PRLR: variants seen among roughly 807,000 people sequenced by gnomAD.
PRLR encodes prolactin receptor.
Under a neutral mutation model 40.2 loss-of-function variants are expected in PRLR, and 13 were observed. The observed-to-expected ratio is 0.32, with a 90% CI of 0.21 to 0.51. The LOEUF (loss-of-function observed/expected upper bound fraction) is 0.51, where lower values mean the gene tolerates loss of function less well. Ranked by LOEUF, PRLR falls within the 20% of genes least tolerant of loss-of-function variation. The pLI, the probability that PRLR is intolerant of heterozygous loss-of-function variation, is 0.97. For synonymous variants in PRLR, 269 were observed against 278.7 expected, an observed-to-expected ratio of 0.97 and a Z score of 0.35; for missense variants, 656 against 747.3, an observed-to-expected ratio of 0.88 and a Z score of 1.42.
At chr5:35,068,442 C>T (rs1579568084) in intron 8 of PRLR, among the ~76,000 whole-genome samples, 157 bp from the exon 9 acceptor site, 1 of 152,166 alleles carries the variant, frequency 6.6e-6, no homozygotes. Flanking sequence ...ATTACAGAGG[C>T]CTATATTAAA....
chr5:35,186,341 T>C (rs903636390), intron 1 of PRLR, among the ~76,000 whole-genome samples: 3 of 152,234 alleles, frequency 2.0e-5, no homozygotes, highest in African/African-American at 7.2e-5. Flanking sequence ...TGTGCTGTTG[T>C]AACAAGTACA....
At chr5:35,218,049 T>A (rs1776328085) in intron 1 of PRLR, among the ~76,000 whole-genome samples, 1 of 152,338 alleles carries the variant, frequency 6.6e-6, no homozygotes, top group African/African-American at 2.4e-5. Flanking sequence ...AATATTTAGC[T>A]TTTTGTAGGA....
At chr5:35,084,752 AC>A in intron 4 of PRLR, 113 bp from the exon 5 acceptor site, 1 of 979,296 alleles carries the variant, frequency 1.0e-6, no homozygotes, top group Non-Finnish European at 1.5e-6. Flanking sequence ...CAAGCGCAAA[AC>A]CCAGAGCTGA....
chr5:35,148,420 C>T lies in PRLR; in HGVS notation c.-105-30298G>A, dbSNP rs1774248147. ...TAAGGAAAAAAAGGCTTAATTTTAT[C>T]TGGGGTAGATAGCTACTGTTTTCTG... On this transcript the variant is annotated intron_variant, in intron 1 of 9. Transcript: ENST00000618457. Among the ~76,000 whole-genome samples, 3 of 152,182 alleles carry T rather than the reference C, an allele frequency of 2.0e-5. No individual in the cohort carries two copies. The South Asian group carries it at 6.2e-4, about 32-fold the overall frequency.
chr5:35,190,135 C>T (rs1210522710), intron 1 of PRLR, among the ~76,000 whole-genome samples: 1 of 152,072 alleles, frequency 6.6e-6, no homozygotes. Context: ...TTTAAGCCAC[C>T]CAGTTGTGGT....
intron 1 of PRLR, among the ~76,000 whole-genome samples, chr5:35,218,587 G>T (rs560172149): frequency 1.3e-5 from 2 of 152,074 alleles, no homozygotes; most frequent in African/African-American, 4.8e-5. Flanking sequence ...TTACTTTCAC[G>T]CTAGTTATTG....
At chr5:35,166,617 T>C (rs768773217) in intron 1 of PRLR, among the ~76,000 whole-genome samples, 2 of 152,078 alleles carry the variant, frequency 1.3e-5, no homozygotes, top group Non-Finnish European at 2.9e-5. Context: ...GAATCAGCAT[T>C]CAATATTCTC....
chr5:35,136,054 CAA>C (rs1351095277), intron 1 of PRLR, among the ~76,000 whole-genome samples: 1 of 152,140 alleles, frequency 6.6e-6, no homozygotes, highest in African/African-American at 2.4e-5. Flanking sequence ...GGCAGTGTGG[CAA>C]AGAGAAGTGA....
At chr5:35,138,325 G>A (rs879271179) in intron 1 of PRLR, among the ~76,000 whole-genome samples, 60 of 152,242 alleles carry the variant, frequency 3.9e-4, no homozygotes, top group Admixed American at 2.9e-3. Flanking sequence ...GTACACTTAA[G>A]AATAGTTAAG....
rs1776689007 is a variant in PRLR at position 35,230,404 on chromosome 5, G to A, written c.-242C>T. ...AGAGGGAGAAGGAGTGAGTAAGGCA[G>A]AAAGCCCAGCCCAGAAAACCGGCGT... On this transcript the variant is annotated 5_prime_UTR_variant, in exon 1 of 10. Coordinates refer to ENST00000618457, the MANE Select transcript of PRLR (RefSeq NM_000949.7). 6.6e-6 allele frequency: 1 copy of A among 152,300 alleles called. No homozygotes were observed. Among genetic ancestry groups the A allele is most frequent in the African/African-American group, 2.4e-5 (1 of 41,466 alleles). The allele number at this position is 152,300 out of a possible 1,614,324, so 9.4% of individuals were successfully genotyped here. A position where few individuals can be genotyped will look rare whatever the true frequency, so the allele number is the denominator to read the frequency against.
chr5:35,190,616 A>AG (rs1029215687), intron 1 of PRLR, among the ~76,000 whole-genome samples: 4 of 23,820 alleles, frequency 1.7e-4, no homozygotes, highest in Admixed American at 4.0e-4. Context: ...TTGCCTCAGG[A>AG]AAAAAAAAAA....
chr5:35,112,825 C>T (rs1037924270), intron 2 of PRLR, among the ~76,000 whole-genome samples: 8 of 152,160 alleles, frequency 5.3e-5, no homozygotes, highest in Non-Finnish European at 1.2e-4. Flanking sequence ...GGCTTATATT[C>T]ATTCTTTTTT....
At chr5:35,074,384 T>A (rs1166908078) in intron 5 of PRLR, among the ~76,000 whole-genome samples, 16 of 151,532 alleles carry the variant, frequency 1.1e-4, no homozygotes, top group Admixed American at 1.1e-3. Context: ...ATCACTGGAA[T>A]CTGGGAGGCA....
intron 2 of PRLR, among the ~76,000 whole-genome samples, chr5:35,091,651 C>T (rs1771218243): frequency 6.6e-6 from 1 of 152,174 alleles, no homozygotes; most frequent in Non-Finnish European, 1.5e-5. Context: ...CCACAGTGAG[C>T]AACATCAAGC....
At chr5:35,144,753 C>T (rs1375939757) in intron 1 of PRLR, among the ~76,000 whole-genome samples, 6 of 152,208 alleles carry the variant, frequency 3.9e-5, no homozygotes, top group East Asian at 1.9e-4. Flanking sequence ...CATGGGCCAC[C>T]GCACCTGGCC....
At chr5:35,172,609 A>G (rs1182943965) in intron 1 of PRLR, among the ~76,000 whole-genome samples, 2 of 152,176 alleles carry the variant, frequency 1.3e-5, no homozygotes, top group African/African-American at 4.8e-5. Context: ...TACTCTGCTG[A>G]CACCTTTGTA....
rs1217687320 is a variant in PRLR, at chr5:35,062,976, G to A, written c.*2113C>T. The A allele has an allele frequency of 6.6e-6, 1 of 152,148 alleles. No individual in the cohort carries two copies. Among genetic ancestry groups the A allele is most frequent in the African/African-American group, 2.4e-5 (1 of 41,424 alleles). 9.4% of individuals were successfully genotyped at this position (152,148 alleles called of 1,614,324 possible). On this transcript the variant is annotated 3_prime_UTR_variant, in exon 10 of 10. Transcript: ENST00000618457. The stretch of plus-strand genomic sequence containing the variant: ...ACTAAAATAACCTTTAGTGGAAATG[G>A]TTGTCTAGAACAATGCTTCTCAAAC...
At chr5:35,177,656 T>C (rs568718858) in intron 1 of PRLR, among the ~76,000 whole-genome samples, 2 of 152,366 alleles carry the variant, frequency 1.3e-5, no homozygotes, top group East Asian at 3.9e-4. Context: ...CTCTTTTCTA[T>C]GGCTGAATCC....
At position 35,191,048 on chromosome 5, in the gene PRLR, C is replaced by CT. The variant is rs869174221; in HGVS notation, c.-106+39219dup. Reference sequence around the variant, plus strand: ...ATCCAATTAACAGATGTGTTATTTTCTTTTTTTTTTTTTTTTTTTTTTTTT... The same window carrying CT: ...ATCCAATTAACAGATGTGTTATTTTCTTTTTTTTTTTTTTTTTTTTTTTTTT... On this transcript the variant is annotated intron_variant, in intron 1 of 9. Transcript: ENST00000618457. 4.5e-4 allele frequency among the ~76,000 whole-genome samples: 31 copies of CT among 68,164 alleles called. 4 individuals are homozygous for CT. The highest frequency in any genetic ancestry group is 3.0e-3 in the Admixed American group (15 of 5,058). The allele number at this position is 68,164 out of a possible 152,430, so 44.7% of individuals were successfully genotyped here.
Sources: allele counts gnomAD v4.1 joint callset (sites outside exome capture counted in the v4.1 genomes callset), GRCh38; gene constraint gnomAD v4.1.1; transcripts MANE v1.5; gene names NCBI Gene and HGNC (gene_info 2026-07-23, HGNC 2026-07-21).